The following CLIP2 variants were observed in gnomAD, a reference collection of about 807,000 sequenced individuals.
CLIP2 encodes the protein CAP-Gly domain-containing linker protein 2.
A neutral mutation model predicts 111.7 loss-of-function variants in CLIP2; 41 were observed. The observed-to-expected ratio is 0.37, with a 90% confidence interval of 0.29 to 0.48. CLIP2 has a LOEUF of 0.48. Ranked by LOEUF, CLIP2 falls within the 20% of genes least tolerant of loss-of-function variation. CLIP2 has a pLI of 0.99. For missense variants in CLIP2, 1,160 were observed against 1,422.1 expected, an observed-to-expected ratio of 0.82 and a Z score of 2.96; for synonymous variants, 660 against 644.2, an observed-to-expected ratio of 1.02 and a Z score of -0.37.
intron 1 of CLIP2, among the ~76,000 whole-genome samples, chr7:74,294,010 G>A (rs1423634069): frequency 6.6e-6 from 1 of 151,590 alleles, no homozygotes. Context: ...TCTGCCTCCC[G>A]GGTTCAAGTG....
intron 1 of CLIP2, among the ~76,000 whole-genome samples, chr7:74,309,995 T>C (rs1554728254): frequency 7.4e-6 from 1 of 135,178 alleles, no homozygotes; most frequent in African/African-American, 3.0e-5. Context: ...AGTCCAGGAG[T>C]TCAAGACCAG....
chr7:74,352,170 TCA>T (rs1790022693), intron 3 of CLIP2, among the ~76,000 whole-genome samples: 2 of 152,082 alleles, frequency 1.3e-5, no homozygotes, highest in South Asian at 2.1e-4. Context: ...GTGCAGTGGC[TCA>T]CACCTGTATC....
chr7:74,341,597 CT>C (rs201360817), intron 3 of CLIP2, among the ~76,000 whole-genome samples: 337 of 142,564 alleles, frequency 2.4e-3, no homozygotes, highest in Middle Eastern at 3.7e-3. Flanking sequence ...CTTTTCTTTT[CT>C]TTTTTTTTTT....
intron 12 of CLIP2, 140 bp downstream of exon 12, chr7:74,386,744 T>C (rs1302343567): frequency 3.5e-6 from 2 of 570,182 alleles, no homozygotes; most frequent in Admixed American, 8.0e-5. Flanking sequence ...AAGGGCTGGC[T>C]GGTCGCGGTG....
In CLIP2 at chr7:74,302,361, G is replaced by A. The variant is rs540578180; in HGVS notation, c.-68+12627G>A. Among the ~76,000 whole-genome samples the A allele has an allele frequency of 9.2e-5, 14 of 151,936 alleles. No homozygotes were observed. The East Asian group carries it at 1.9e-3, about 21-fold the overall frequency. The stretch of plus-strand genomic sequence containing the variant: ...CTCCCAAGTAGCAGGGATTACAGGC[G>A]CACACCACCACGCCCAATTAATTTT... On this transcript the variant is annotated intron_variant, in intron 1 of 16. Transcript: ENST00000223398.
intron 1 of CLIP2, among the ~76,000 whole-genome samples, chr7:74,314,962 C>G (rs550555035): frequency 6.8e-4 from 104 of 152,326 alleles, no homozygotes; most frequent in Non-Finnish European, 1.3e-3. Context: ...CTCCTATAAG[C>G]TCTTCTGTGC....
rs1791207783 is a variant in CLIP2, at chr7:74,389,255, G to C, written c.2716G>C (p.Glu906Gln). The C allele has an allele frequency of 6.3e-7, 1 of 1,592,160 alleles. No individual in the cohort carries two copies. The highest frequency in any genetic ancestry group is 1.8e-5 in the Admixed American group (1 of 55,138). The change falls in exon 13 of 17, where the codon GAG (glutamate) becomes CAG (glutamine). Residue 906 changes from glutamate to glutamine, a missense_variant. Glu to Gln is a conservative substitution (Grantham distance 29, BLOSUM62 2). Around this residue, in one of 5 missense-constraint regions of CLIP2, gnomAD observed 676 missense variants for 777.8 expected, o/e 0.87. Transcript: ENST00000223398. ...VLISQELLRKERSLNELRVLL... is the reference protein window; with the variant it reads ...VLISQELLRKQRSLNELRVLL... The stretch of plus-strand genomic sequence containing the variant: ...CATCAGCCAGGAGCTGCTGCGGAAG[G>C]AGCGGTGAGGCGGCCGTGGGGCCGG...
chr7:74,356,662 G>A lies in CLIP2; in HGVS notation c.1017+39G>A, dbSNP rs782768053. ...TGCAGAAGGGGATTCTCTGGTGTGCGTTTGGGAGGGGTGAGGATGTAAGAG... is the reference window on the plus strand; with the variant it reads ...TGCAGAAGGGGATTCTCTGGTGTGCATTTGGGAGGGGTGAGGATGTAAGAG... On this transcript the variant is annotated intron_variant, in intron 5 of 16. Coordinates refer to ENST00000223398, the MANE Select transcript of CLIP2 (RefSeq NM_003388.5). The A allele has an allele frequency of 3.5e-5, 55 of 1,559,370 alleles. 1 individual carries two copies. Among genetic ancestry groups the A allele is most frequent in the South Asian group, 3.3e-4 (29 of 87,410 alleles).
At chr7:74,319,356 A>G (rs1788881538) in intron 2 of CLIP2, among the ~76,000 whole-genome samples, 1 of 152,128 alleles carries the variant, frequency 6.6e-6, no homozygotes, top group Admixed American at 6.6e-5. Context: ...TACTAAAAAT[A>G]CAAAAATTAG....
intron 3 of CLIP2, among the ~76,000 whole-genome samples, chr7:74,343,313 T>G (rs967968051): frequency 6.6e-6 from 1 of 152,090 alleles, no homozygotes; most frequent in East Asian, 1.9e-4. Context: ...CACTCTGCTC[T>G]TCCTCCTGTG....
intron 16 of CLIP2, among the ~76,000 whole-genome samples, chr7:74,402,560 C>T (rs1439433513): frequency 1.3e-5 from 2 of 152,026 alleles, no homozygotes; most frequent in Admixed American, 6.6e-5. Context: ...GGTGTGGTGG[C>T]GCATGCCTGT....
intron 7 of CLIP2, among the ~76,000 whole-genome samples, chr7:74,361,271 A>G (rs1228277100): frequency 1.4e-5 from 2 of 141,128 alleles, no homozygotes; most frequent in Non-Finnish European, 3.0e-5. Context: ...AGGCTGGAGT[A>G]CAATGGTGCG....
At position 74,336,177 on chromosome 7, in the gene CLIP2, C is replaced by G. The variant is rs555430738; in HGVS notation, c.122-2271C>G. ...CCGCCTCCTGGGTTCAAGCAATTCT[C>G]CTGCCTCAGCCTCCCAAGTAGCTGG... On this transcript the variant is annotated intron_variant, in intron 2 of 16. Coordinates refer to ENST00000223398, the MANE Select transcript of CLIP2 (RefSeq NM_003388.5). Among the ~76,000 whole-genome samples, 8 of 152,174 alleles carry G rather than the reference C, an allele frequency of 5.3e-5. 1 individual carries two copies. The South Asian group carries it at 1.7e-3, about 32-fold the overall frequency.
At position 74,402,743 on chromosome 7, in the gene CLIP2, G is replaced by A. The variant is rs78823570; in HGVS notation, c.3130-1094G>A. On this transcript the variant is annotated intron_variant, in intron 16 of 16. Transcript: ENST00000223398. ...CCTAGTTCTGACTGCAGAATCCCTG[G>A]AGCACAGATGCTCGCTAGAAACAGG... Among the ~76,000 whole-genome samples, 1,347 of 152,222 alleles carry A rather than the reference G, an allele frequency of 8.8e-3. 19 individuals are homozygous for A. The highest frequency in any genetic ancestry group is 0.029 in the African/African-American group (1,220 of 41,522).
At chr7:74,403,759 C>T in intron 16 of CLIP2, 78 bp from the exon 17 acceptor site, 2 of 1,519,768 alleles carry the variant, frequency 1.3e-6, no homozygotes, top group Non-Finnish European at 1.8e-6. Context: ...AACTCCTTTC[C>T]TCCCTGACTC....
intron 10 of CLIP2, among the ~76,000 whole-genome samples, chr7:74,377,676 T>C (rs1790830723): frequency 6.6e-6 from 1 of 152,210 alleles, no homozygotes; most frequent in African/African-American, 2.4e-5. Context: ...AGCCTCTCAG[T>C]GGCAGAGATG....
intron 2 of CLIP2, among the ~76,000 whole-genome samples, chr7:74,327,129 G>A (rs1276509134): frequency 6.6e-6 from 1 of 152,074 alleles, no homozygotes; most frequent in Non-Finnish European, 1.5e-5. Flanking sequence ...TTGAGAGAGA[G>A]TCTCGCTCTG....
chr7:74,320,625 T>C (rs1788923080), intron 2 of CLIP2, among the ~76,000 whole-genome samples: 1 of 152,038 alleles, frequency 6.6e-6, no homozygotes, highest in Non-Finnish European at 1.5e-5. Context: ...GAGAACGGAT[T>C]GTAGGGTTAA....
At chr7:74,327,244 A>G (rs1315872076) in intron 2 of CLIP2, among the ~76,000 whole-genome samples, 1 of 152,108 alleles carries the variant, frequency 6.6e-6, no homozygotes, top group African/African-American at 2.4e-5. Flanking sequence ...CTGGGATTAC[A>G]GGCATGTGCC....
Sources: gnomAD v4.1 joint callset for allele counts (sites outside exome capture counted in the v4.1 genomes callset) on GRCh38, gnomAD v4.1.1 for gene constraint, gnomAD v4.1.1 regional missense constraint, MANE v1.5 for transcripts, NCBI Gene and HGNC (gene_info 2026-07-23, HGNC 2026-07-21) for gene names.